The following PIWIL2 variants were observed in gnomAD, a reference collection of about 807,000 sequenced individuals.
PIWIL2 encodes piwi-like protein 2.
A neutral mutation model predicts 116.5 loss-of-function variants in PIWIL2; 81 were observed. The observed-to-expected ratio is 0.70, with a 90% CI of 0.58 to 0.84. The LOEUF is 0.84. Among genes scored for constraint, PIWIL2 ranks in the 40% least tolerant of loss-of-function variants. The probability of loss-of-function intolerance (pLI) is 0.00; values close to 1 mark genes in which losing one functional copy is unlikely to be tolerated. For synonymous variants in PIWIL2, 489 were observed against 429.5 expected (o/e 1.14, Z -1.71); for missense variants, 1,272 against 1,212.3 (o/e 1.05, Z -0.73).
At chr8:22,300,782 C>T (rs1304691359) in intron 10 of PIWIL2, among the ~76,000 whole-genome samples, 3 of 152,036 alleles carry the variant, frequency 2.0e-5, no homozygotes, top group Admixed American at 6.6e-5. Flanking sequence ...TGTGTACTTC[C>T]CATTCATTTG....
intron 10 of PIWIL2, among the ~76,000 whole-genome samples, chr8:22,293,591 C>G (rs778090647): frequency 3.9e-5 from 6 of 152,182 alleles, no homozygotes; most frequent in African/African-American, 1.4e-4. Context: ...TCCCAAAGTG[C>G]TGGGATTACA....
At chr8:22,296,020 CTTTTTTTTTTTTTTTTT>C (rs67357452) in intron 10 of PIWIL2, among the ~76,000 whole-genome samples, 71 of 102,808 alleles carry the variant, frequency 6.9e-4, no homozygotes, top group Admixed American at 1.1e-3. Context: ...CTCTTCCCTT[CTTTTTTTTTTTTTTTTT>C]TTTTTTTTTT....
At chr8:22,348,674 A>G (rs1018541328) in intron 20 of PIWIL2, among the ~76,000 whole-genome samples, 1 of 152,194 alleles carries the variant, frequency 6.6e-6, no homozygotes, top group Non-Finnish European at 1.5e-5. Context: ...TTATAGTCCC[A>G]GCTGCTCAGG....
At position 22,307,482 on chromosome 8, in the gene PIWIL2, T is replaced by A. The variant is rs1017438987; in HGVS notation, c.1546-451T>A. Among the ~76,000 whole-genome samples the A allele has an allele frequency of 3.9e-4, 57 of 144,468 alleles. 3 individuals are homozygous for A. The highest frequency in any genetic ancestry group is 1.0e-3 in the African/African-American group (39 of 38,406). 94.8% of individuals were successfully genotyped at this position (144,468 alleles called of 152,430 possible). A position where few individuals can be genotyped will look rare whatever the true frequency, so the allele number is the denominator to read the frequency against. ...AATTCTTTTATTATTCATTTTTTTT[T>A]TTTTTTTTTTTTTTTTTGGAGATAG... is the stretch of plus-strand genomic sequence containing the variant. On this transcript the variant is annotated intron_variant, in intron 13 of 22. Coordinates refer to ENST00000356766, the MANE Select transcript of PIWIL2 (RefSeq NM_018068.5).
intron 11 of PIWIL2, 144 bp downstream of exon 11, chr8:22,304,353 G>A (rs553555906): frequency 3.4e-6 from 2 of 587,716 alleles, no homozygotes; most frequent in South Asian, 5.1e-5. Flanking sequence ...CACTGAATGA[G>A]CTTGTTTGTG....
intron 14 of PIWIL2, 96 bp downstream of exon 14, chr8:22,308,169 TTGTC>T (rs1199281501): frequency 2.8e-6 from 3 of 1,057,870 alleles, no homozygotes; most frequent in Non-Finnish European, 4.0e-6. Context: ...TTTTGAATGT[TTGTC>T]CATGTCATTT....
intron 13 of PIWIL2, among the ~76,000 whole-genome samples, chr8:22,307,018 G>A (rs1416127801): frequency 6.6e-6 from 1 of 152,190 alleles, no homozygotes; most frequent in Non-Finnish European, 1.5e-5. Flanking sequence ...CTATAAATGA[G>A]TCAAACACCA....
intron 20 of PIWIL2, chr8:22,321,938 A>G (rs552862279): frequency 2.0e-6 from 2 of 985,276 alleles, no homozygotes; most frequent in East Asian, 2.3e-4. Flanking sequence ...TCGCTAGTCC[A>G]AAGCCCATTT....
At chr8:22,303,631 C>T (rs1426188473) in intron 10 of PIWIL2, among the ~76,000 whole-genome samples, 1 of 152,154 alleles carries the variant, frequency 6.6e-6, no homozygotes, top group African/African-American at 2.4e-5. Flanking sequence ...TGGGCTCAAG[C>T]AATCCTCCCA....
intron 4 of PIWIL2, among the ~76,000 whole-genome samples, chr8:22,281,767 A>ATTTTT (rs1313870060): frequency 2.5e-5 from 3 of 118,536 alleles, no homozygotes; most frequent in Non-Finnish European, 5.3e-5. Flanking sequence ...GATCATGGTG[A>ATTTTT]TTTTTTTTTT....
At chr8:22,288,162 G>A (rs539813742) in intron 7 of PIWIL2, among the ~76,000 whole-genome samples, 43 of 152,106 alleles carry the variant, frequency 2.8e-4, no homozygotes, top group Non-Finnish European at 5.7e-4. Flanking sequence ...GCTGGGCATG[G>A]TGGCAGGCGC....
rs754361865 is a variant in PIWIL2 at position 22,287,516 on chromosome 8, A to C, written c.744-12A>C. On this transcript the variant is annotated splice_polypyrimidine_tract_variant and intron_variant, in intron 6 of 22. Transcript: ENST00000356766. Reference sequence around the variant, plus strand: ...GTCAAGTTAAAGGAAAATCCTCTTCATTATTTTCCAGCCCCAATGTGGAGT... The same window carrying C: ...GTCAAGTTAAAGGAAAATCCTCTTCCTTATTTTCCAGCCCCAATGTGGAGT... 6.4e-7 allele frequency: 1 copy of C among 1,573,114 alleles called. No homozygotes were observed. The highest frequency in any genetic ancestry group is 8.8e-7 in the Non-Finnish European group (1 of 1,142,654).
At chr8:22,307,473 A>ATTTTTTTTTTTT (rs56755716) in intron 13 of PIWIL2, among the ~76,000 whole-genome samples, 1 of 111,258 alleles carries the variant, frequency 9.0e-6, no homozygotes, top group Non-Finnish European at 1.7e-5. Context: ...TTTATTATTC[A>ATTTTTTTTTTTT]TTTTTTTTTT....
chr8:22,280,614 G>A (rs1247216260), intron 2 of PIWIL2, among the ~76,000 whole-genome samples: 1 of 152,116 alleles, frequency 6.6e-6, no homozygotes, highest in Admixed American at 6.5e-5. Context: ...AGATCCAACT[G>A]GTATAACAGT....
At chr8:22,321,485 T>G (rs997632929) in intron 20 of PIWIL2, among the ~76,000 whole-genome samples, 2 of 152,168 alleles carry the variant, frequency 1.3e-5, no homozygotes, top group African/African-American at 2.4e-5. Flanking sequence ...TCCCCAGTTG[T>G]TCTGCACCTA....
chr8:22,284,737 AG>A (rs1271631124), intron 6 of PIWIL2, among the ~76,000 whole-genome samples: 2 of 149,740 alleles, frequency 1.3e-5, no homozygotes, highest in African/African-American at 4.9e-5. Context: ...CTCTAGTGAC[AG>A]TCTAGGGTTA....
At chr8:22,288,025 G>A (rs1830668962) in intron 7 of PIWIL2, among the ~76,000 whole-genome samples, 1 of 152,160 alleles carries the variant, frequency 6.6e-6, no homozygotes, top group African/African-American at 2.4e-5. Context: ...TAGGCCGGGT[G>A]CGGTGGCTCA....
In PIWIL2 at chr8:22,304,888, T is replaced by TTA; in HGVS notation, c.1455+21_1455+22dup. 6.0e-6 allele frequency: 9 copies of TTA among 1,510,224 alleles called. No homozygotes were observed. Among genetic ancestry groups the TTA allele is most frequent in the Non-Finnish European group, 8.3e-6 (9 of 1,085,606 alleles). 93.6% of individuals were successfully genotyped at this position (1,510,224 alleles called of 1,614,324 possible). A position where few individuals can be genotyped will look rare whatever the true frequency, so the allele number is the denominator to read the frequency against. ...GGGATGGTGAGTAGGGCTGTCAGGC[T>TTA]TACAATTCCAGCTTAAGTTCTTCAT... On this transcript the variant is annotated intron_variant, in intron 12 of 22. Transcript: ENST00000356766.
At chr8:22,295,863 C>G (rs1490476183) in intron 10 of PIWIL2, among the ~76,000 whole-genome samples, 1 of 152,120 alleles carries the variant, frequency 6.6e-6, no homozygotes, top group Non-Finnish European at 1.5e-5. Flanking sequence ...AGGTTACTTT[C>G]TTACGTCACT....
Sources: allele counts gnomAD v4.1 joint callset (sites outside exome capture counted in the v4.1 genomes callset), GRCh38; gene constraint gnomAD v4.1.1; transcripts MANE v1.5; gene names NCBI Gene and HGNC (gene_info 2026-07-23, HGNC 2026-07-21).